The following ESCO1 variants were observed in gnomAD, a reference collection of about 807,000 sequenced individuals.
ESCO1 encodes establishment of sister chromatid cohesion N-acetyltransferase 1.
ESCO1 carries 33 observed loss-of-function variants against 83.5 expected under a neutral mutation model. The observed-to-expected ratio is 0.40, with a 90% CI of 0.30 to 0.53. The LOEUF (loss-of-function observed/expected upper bound fraction) is 0.53. ESCO1 is among the 20% of genes least tolerant of loss of function. ESCO1 has a pLI of 0.63. For missense variants in ESCO1, 855 were observed against 968.0 expected (o/e 0.88, Z 1.55); for synonymous variants, 332 against 324.3 (o/e 1.02, Z -0.25).
In ESCO1 at chr18:21,564,297, G is replaced by A. The variant is rs200328471; in HGVS notation, c.1727C>T (p.Ser576Phe). Residue 576 changes from serine to phenylalanine, a missense_variant, in exon 7 of 12, where the codon TCT (serine) becomes TTT (phenylalanine). Physicochemically the swap from Ser to Phe is radical, Grantham distance 155 (BLOSUM62 -2). Coordinates refer to ENST00000269214, the MANE Select transcript of ESCO1 (RefSeq NM_052911.3). Reference protein sequence around the residue: ...SDNRETPRNHSLPKCNSHLEI... With the variant: ...SDNRETPRNHFLPKCNSHLEI... Reference sequence around the variant, plus strand: ...CAAATGGGAATTACACTTAGGCAAAGAATGATTTCGTGGTGTCTCCCTTAA... The same window carrying A: ...CAAATGGGAATTACACTTAGGCAAAAAATGATTTCGTGGTGTCTCCCTTAA... 6 of 1,609,232 alleles carry A rather than the reference G, an allele frequency of 3.7e-6. No individual in the cohort carries two copies. The Admixed American group carries it at 6.7e-5, about 18-fold the overall frequency.
Position 21,580,203 on chromosome 18 carries a change from A to C in ESCO1, c.-694+4107T>G, listed in dbSNP as rs542459172. Among the ~76,000 whole-genome samples, 46 of 152,048 alleles carry C rather than the reference A, an allele frequency of 3.0e-4. 1 individual carries two copies. Among genetic ancestry groups the C allele is most frequent in the Middle Eastern group, 6.8e-3 (2 of 294 alleles). ...CATGAATCACCGCGCCCAGCCCCCA[A>C]AAATTTTTTTTCAGCCTTTCTATGT... On this transcript the variant is annotated intron_variant, in intron 2 of 11. Transcript: ENST00000269214.
At chr18:21,551,012 T>A (rs923311345) in intron 8 of ESCO1, among the ~76,000 whole-genome samples, 3 of 148,816 alleles carry the variant, frequency 2.0e-5, no homozygotes, top group Non-Finnish European at 4.4e-5. Context: ...CTTGGGAGGC[T>A]GAGGCAGGAG....
intron 2 of ESCO1, among the ~76,000 whole-genome samples, chr18:21,580,156 C>T (rs1184874443): frequency 6.6e-6 from 1 of 152,050 alleles, no homozygotes; most frequent in Non-Finnish European, 1.5e-5. Context: ...GCCTCGGCTT[C>T]CCAAAGTGCT....
intron 4 of ESCO1, among the ~76,000 whole-genome samples, chr18:21,570,302 T>C (rs975141308): frequency 6.6e-6 from 1 of 151,948 alleles, no homozygotes; most frequent in African/African-American, 2.4e-5. Flanking sequence ...TCTCACTATG[T>C]TGCTCAAACT....
At chr18:21,586,823 A>G (rs2038588477) in intron 1 of ESCO1, among the ~76,000 whole-genome samples, 1 of 152,192 alleles carries the variant, frequency 6.6e-6, no homozygotes, top group Non-Finnish European at 1.5e-5. Flanking sequence ...AAGAGCAGGT[A>G]TCTTCATCTT....
intron 6 of ESCO1, among the ~76,000 whole-genome samples, chr18:21,565,155 AAAAAC>A (rs1430755652): frequency 6.6e-6 from 1 of 152,196 alleles, no homozygotes; most frequent in East Asian, 1.9e-4. Context: ...TTTTCAGTAA[AAAAAC>A]AAAAACTAAT....
intron 7 of ESCO1, among the ~76,000 whole-genome samples, chr18:21,563,379 G>A (rs933731333): frequency 1.2e-4 from 18 of 151,688 alleles, no homozygotes; most frequent in African/African-American, 2.9e-4. Context: ...ACAGAGTCTC[G>A]CTCTGTTGCC....
rs1225475829 is a variant in ESCO1, at chr18:21,574,264, T to C, written c.580A>G (p.Ile194Val). 1 of 1,613,732 alleles carries C rather than the reference T, an allele frequency of 6.2e-7. No homozygotes were observed. Among genetic ancestry groups the C allele is most frequent in the Non-Finnish European group, 8.5e-7 (1 of 1,180,008 alleles). Residue 194 changes from isoleucine (I) to valine (V), a missense_variant, in exon 4 of 12, where the codon ATT becomes GTT. Physicochemically the swap from Ile to Val is conservative, Grantham distance 29. Transcript: ENST00000269214. Reference sequence around the variant, plus strand: ...TTGGGAGAATTTATTACTTCATTAATTACTAGATTTTCATCTTCTTTAGAG... The same window carrying C: ...TTGGGAGAATTTATTACTTCATTAACTACTAGATTTTCATCTTCTTTAGAG... The part of the protein sequence containing the change: ...SDSKEDENLV[I>V]NEVINSPKGK...
chr18:21,532,077 G>T (rs2037774324), intron 11 of ESCO1, among the ~76,000 whole-genome samples: 2 of 152,026 alleles, frequency 1.3e-5, no homozygotes, highest in Non-Finnish European at 2.9e-5. Flanking sequence ...AAGAGATTTT[G>T]ATAGTTTACA....
At chr18:21,541,122 A>C (rs1487776308) in intron 8 of ESCO1, among the ~76,000 whole-genome samples, 1 of 152,202 alleles carries the variant, frequency 6.6e-6, no homozygotes. Context: ...TTAAATTAAA[A>C]TATTTAAAAT....
chr18:21,564,293 C>T lies in ESCO1; in HGVS notation c.1731G>A (p.Leu577=). ...DNRETPRNHS[L]PKCNSHLEIT... is the part of the protein sequence containing the mutation. ...TCTCCAAATGGGAATTACACTTAGGCAAAGAATGATTTCGTGGTGTCTCCC... is the reference window on the plus strand; with the variant it reads ...TCTCCAAATGGGAATTACACTTAGGTAAAGAATGATTTCGTGGTGTCTCCC... Residue 577 remains leucine (L), a synonymous_variant, in exon 7 of 12, where the codon TTG becomes TTA. Coordinates refer to ENST00000269214, the MANE Select transcript of ESCO1 (RefSeq NM_052911.3). 6.2e-7 allele frequency: 1 copy of T among 1,610,180 alleles called. No homozygotes were observed. The highest frequency in any genetic ancestry group is 2.2e-5 in the East Asian group (1 of 44,796).
chr18:21,579,918 T>A (rs2146218025), intron 2 of ESCO1, among the ~76,000 whole-genome samples: 1 of 150,276 alleles, frequency 6.7e-6, no homozygotes, highest in Admixed American at 6.7e-5. Context: ...TTTTTTGAGA[T>A]GGAGTCTCCC....
chr18:21,570,004 C>T (rs76143515), intron 4 of ESCO1, among the ~76,000 whole-genome samples: 6,347 of 152,254 alleles, frequency 0.042, 452 homozygotes, highest in African/African-American at 0.14. Flanking sequence ...TGTCCTGAAC[C>T]AATATGGTCA....
intron 1 of ESCO1, among the ~76,000 whole-genome samples, chr18:21,599,834 T>G (rs1388956612): frequency 6.6e-6 from 1 of 152,134 alleles, no homozygotes; most frequent in Non-Finnish European, 1.5e-5. Context: ...TTGTTGGACT[T>G]GCTATCCCAT....
In ESCO1 at chr18:21,566,166, T is replaced by G; in HGVS notation, c.1686A>C (p.Thr562=). 4.3e-6 allele frequency: 7 copies of G among 1,613,414 alleles called. No individual in the cohort carries two copies. Among genetic ancestry groups the G allele is most frequent in the Non-Finnish European group, 5.9e-6 (7 of 1,179,668 alleles). ...CTTACCTGTTATCACTGCTTTTAGA[T>G]GTCTGGTTACTGAGAATACTATGCT... ...PQQHSILSNQ[T]SKSSDNRETP... The change falls in exon 6 of 12, where the codon ACA becomes ACC. Residue 562 remains threonine, a synonymous_variant. Coordinates refer to ENST00000269214, the MANE Select transcript of ESCO1 (RefSeq NM_052911.3).
At chr18:21,594,085 G>A (rs1244124635) in intron 1 of ESCO1, among the ~76,000 whole-genome samples, 1 of 152,194 alleles carries the variant, frequency 6.6e-6, no homozygotes, top group African/African-American at 2.4e-5. Flanking sequence ...GATGCCAGTA[G>A]CAACCCTTCC....
At chr18:21,537,934 T>A (rs2037856717) in intron 9 of ESCO1, among the ~76,000 whole-genome samples, 1 of 151,998 alleles carries the variant, frequency 6.6e-6, no homozygotes, top group Non-Finnish European at 1.5e-5. Context: ...ATAAACATAT[T>A]GGAAAATTTT....
At chr18:21,563,062 G>A (rs751428072) in intron 7 of ESCO1, among the ~76,000 whole-genome samples, 1 of 151,882 alleles carries the variant, frequency 6.6e-6, no homozygotes, top group Non-Finnish European at 1.5e-5. Flanking sequence ...GTAGAGATGG[G>A]CTTTCTCGGT....
intron 11 of ESCO1, among the ~76,000 whole-genome samples, chr18:21,531,850 G>A (rs558402605): frequency 3.1e-4 from 35 of 112,262 alleles, no homozygotes; most frequent in Admixed American, 6.8e-4. Flanking sequence ...CAGAGATCAC[G>A]CCACTGCACT....
Sources: allele counts gnomAD v4.1 joint callset (sites outside exome capture counted in the v4.1 genomes callset), GRCh38; gene constraint gnomAD v4.1.1; transcripts MANE v1.5; gene names NCBI Gene and HGNC (gene_info 2026-07-23, HGNC 2026-07-21).